Variants in PRRC2B observed in about 807,000 individuals in gnomAD.
PRRC2B encodes the protein protein PRRC2B.
PRRC2B carries 68 observed loss-of-function variants against 242.3 expected under a neutral mutation model. The observed-to-expected ratio is 0.28, with a 90% CI of 0.23 to 0.34. PRRC2B has a LOEUF of 0.34. Among genes scored for constraint, PRRC2B ranks in the 10% least tolerant of loss-of-function variants. PRRC2B has a pLI of 1.00. For missense variants in PRRC2B, 2,835 were observed against 2,954.8 expected, an observed-to-expected ratio of 0.96 and a Z score of 0.94; for synonymous variants, 1,228 against 1,173.6, an observed-to-expected ratio of 1.05 and a Z score of -0.95.
In PRRC2B at chr9:131,482,981, G is replaced by C. The variant is rs1490888336; in HGVS notation, c.5373+74G>C. The C allele has an allele frequency of 1.3e-6, 2 of 1,504,130 alleles. No individual in the cohort carries two copies. Among genetic ancestry groups the C allele is most frequent in the African/African-American group, 2.8e-5 (2 of 72,158 alleles). 93.2% of individuals were successfully genotyped at this position (1,504,130 alleles called of 1,614,324 possible). A position where few individuals can be genotyped will look rare whatever the true frequency, so the allele number is the denominator to read the frequency against. ...GGTACTTGGAGAGGCTGGGGGCTCAGATGGGATTGTCTCCTAGAAGGAATA... is the reference window on the plus strand; with the variant it reads ...GGTACTTGGAGAGGCTGGGGGCTCACATGGGATTGTCTCCTAGAAGGAATA... On this transcript the variant is annotated intron_variant, in intron 22 of 31. Coordinates refer to ENST00000683519, the MANE Select transcript of PRRC2B (RefSeq NM_013318.4). This position sits in a 1 kb window ranked among gnomAD's most constrained non-coding sequence, Gnocchi z 5.2.
At chr9:131,459,665 G>A (rs1943185351) in intron 11 of PRRC2B, among the ~76,000 whole-genome samples, 1 of 151,526 alleles carries the variant, frequency 6.6e-6, no homozygotes. Flanking sequence ...TCAGCCTCCT[G>A]AGTAGCTGGG....
chr9:131,488,070 C>CAG lies in PRRC2B; in HGVS notation c.6201_6202dup (p.Met2068ArgfsTer10). ...CCAGGCTGCTGGCCTGGGTGCCTCC[C>CAG]AGATGTTGGACTCCCAGCTCCCACA... On this transcript the variant is annotated frameshift_variant, in exon 28 of 32. Coordinates refer to ENST00000683519, the MANE Select transcript of PRRC2B (RefSeq NM_013318.4). LOFTEE classifies it high-confidence loss of function. 1 of 1,613,252 alleles carries CAG rather than the reference C, an allele frequency of 6.2e-7. No individual in the cohort carries two copies. The highest frequency in any genetic ancestry group is 8.5e-7 in the Non-Finnish European group (1 of 1,179,422).
rs558733517 is a variant in PRRC2B at position 131,487,772 on chromosome 9, C to G, written c.5985-84C>G. The G allele has an allele frequency of 2.0e-6, 3 of 1,521,628 alleles. No individual in the cohort carries two copies. Among genetic ancestry groups the G allele is most frequent in the Middle Eastern group, 1.9e-4 (1 of 5,376 alleles). 94.3% of individuals were successfully genotyped at this position (1,521,628 alleles called of 1,614,324 possible). ...GGCCGGGGATCTGTGGTTTAGCAAG[C>G]TCTCCGGGGATCTCTGAAGGGTGGG... On this transcript the variant is annotated intron_variant, in intron 27 of 31. Transcript: ENST00000683519. This position sits in a 1 kb window ranked among gnomAD's most constrained non-coding sequence, Gnocchi z 5.3.
In PRRC2B at chr9:131,499,455, ATG is replaced by A. The variant is rs1944411361; in HGVS notation, c.*3586_*3587del. ...GCCTTTGAAGACCAAGGATACCAGGATGTGTGCACTCTGTCGTGTTCTGTGAT... is the reference window on the plus strand; with the variant it reads ...GCCTTTGAAGACCAAGGATACCAGGATGTGCACTCTGTCGTGTTCTGTGAT... On this transcript the variant is annotated 3_prime_UTR_variant, in exon 32 of 32. Transcript: ENST00000683519. The A allele has an allele frequency of 6.6e-6, 1 of 152,214 alleles. No individual in the cohort carries two copies. Among genetic ancestry groups the A allele is most frequent in the East Asian group, 1.9e-4 (1 of 5,200 alleles). 9.4% of individuals were successfully genotyped at this position (152,214 alleles called of 1,614,324 possible). A position where few individuals can be genotyped will look rare whatever the true frequency, so the allele number is the denominator to read the frequency against.
chr9:131,449,903 G>T (rs1040463806), intron 9 of PRRC2B, among the ~76,000 whole-genome samples: 4 of 152,088 alleles, frequency 2.6e-5, no homozygotes. Flanking sequence ...TTTGTATATG[G>T]CATAAGATAG....
At chr9:131,439,787 G>A (rs1310817840) in intron 5 of PRRC2B, among the ~76,000 whole-genome samples, 1 of 152,214 alleles carries the variant, frequency 6.6e-6, no homozygotes, top group Non-Finnish European at 1.5e-5. Context: ...CAGCAGGAGT[G>A]CAGTGGCACA....
intron 25 of PRRC2B, 31 bp downstream of exon 25, chr9:131,485,171 T>A: frequency 6.7e-6 from 10 of 1,489,522 alleles, no homozygotes; most frequent in Non-Finnish European, 7.3e-6. Context: ...GGCCTTGGGG[T>A]CCTTCTCCAT....
intron 14 of PRRC2B, among the ~76,000 whole-genome samples, chr9:131,471,636 T>C (rs1464258438): frequency 6.6e-6 from 1 of 152,212 alleles, no homozygotes; most frequent in African/African-American, 2.4e-5. Context: ...ACAATAGTAA[T>C]TGAGTGAACA....
At chr9:131,483,956 G>A (rs924060776) in intron 23 of PRRC2B, among the ~76,000 whole-genome samples, 3 of 152,234 alleles carry the variant, frequency 2.0e-5, no homozygotes, top group Non-Finnish European at 4.4e-5. Flanking sequence ...CACCTGCAGG[G>A]GTGGGTGCTA....
intron 1 of PRRC2B, among the ~76,000 whole-genome samples, chr9:131,379,099 T>G (rs1299108370): frequency 6.6e-6 from 1 of 152,198 alleles, no homozygotes; most frequent in African/African-American, 2.4e-5. Flanking sequence ...TGGCCTTTTG[T>G]GTTCAGCTTC....
chr9:131,380,722 CA>C (rs1271656264), intron 1 of PRRC2B, among the ~76,000 whole-genome samples: 1 of 151,278 alleles, frequency 6.6e-6, no homozygotes, highest in Non-Finnish European at 1.5e-5. Context: ...ACTAAAAATA[CA>C]AAAAATTAGC....
intron 1 of PRRC2B, among the ~76,000 whole-genome samples, chr9:131,383,941 G>A (rs759129032): frequency 6.6e-6 from 1 of 151,040 alleles, no homozygotes; most frequent in African/African-American, 2.4e-5. Flanking sequence ...TATTTTTTGC[G>A]ACAGGCTTGC....
intron 1 of PRRC2B, among the ~76,000 whole-genome samples, chr9:131,420,507 T>TCGTTC (rs1564278700): frequency 7.9e-6 from 1 of 126,470 alleles, no homozygotes; most frequent in African/African-American, 3.1e-5. Context: ...TTTTTTTTTT[T>TCGTTC]TTTGAGATGG....
rs551813472 is a variant in PRRC2B at position 131,446,034 on chromosome 9, C to T, written c.614-367C>T. 6.6e-6 allele frequency among the ~76,000 whole-genome samples: 1 copy of T among 152,180 alleles called. No individual in the cohort carries two copies. Among genetic ancestry groups the T allele is most frequent in the African/African-American group, 2.4e-5 (1 of 41,456 alleles). On this transcript the variant is annotated intron_variant, in intron 6 of 31. Coordinates refer to ENST00000683519, the MANE Select transcript of PRRC2B (RefSeq NM_013318.4). The surrounding 1 kb of genome is among the most constrained non-coding windows in gnomAD (Gnocchi z 4.1). Reference sequence around the variant, plus strand: ...TTTAATGTGTAGTCCAGTGCTGACCCTAAGTGGGCTGGTCAGTGTTTGTTG... The same window carrying T: ...TTTAATGTGTAGTCCAGTGCTGACCTTAAGTGGGCTGGTCAGTGTTTGTTG...
rs549340352 is a variant in PRRC2B, at chr9:131,388,244, T to A, written c.-56+14513T>A. On this transcript the variant is annotated intron_variant, in intron 1 of 1. Coordinates refer to the PRRC2B transcript ENST00000682525. ...TTCATCAACTTTTACTTTTACTTTT[T>A]TTTTTTTTTTTTTTAGATGGAGATT... 2.5e-4 allele frequency among the ~76,000 whole-genome samples: 36 copies of A among 145,800 alleles called. 1 individual carries two copies. Among genetic ancestry groups the A allele is most frequent in the African/African-American group, 8.4e-4 (34 of 40,670 alleles).
chr9:131,431,747 C>G lies in PRRC2B; in HGVS notation c.116-870C>G, dbSNP rs544540306. Among the ~76,000 whole-genome samples, 61 of 148,582 alleles carry G rather than the reference C, an allele frequency of 4.1e-4. 1 individual carries two copies. The South Asian group carries it at 0.012, about 29-fold the overall frequency. ...GACTACAGGCGCCCGCCATCACTCC[C>G]GGCTAATTTTTTGTATTTTTAGTAG... is the stretch of plus-strand genomic sequence containing the variant. On this transcript the variant is annotated intron_variant, in intron 2 of 31. Coordinates refer to ENST00000683519, the MANE Select transcript of PRRC2B (RefSeq NM_013318.4).
rs1390249150 is a variant in PRRC2B, at chr9:131,498,474, C to T, written c.*2600C>T. On this transcript the variant is annotated 3_prime_UTR_variant, in exon 32 of 32. Transcript: ENST00000683519. The stretch of plus-strand genomic sequence containing the variant: ...GGCAGGCCTCAGGCCTCCCAGCGCC[C>T]CAACCCCTCCTTGGTCTAATGAAAT... 2 of 152,228 alleles carry T rather than the reference C, an allele frequency of 1.3e-5. No individual in the cohort carries two copies. The highest frequency in any genetic ancestry group is 2.9e-5 in the Non-Finnish European group (2 of 68,050). 9.4% of individuals were successfully genotyped at this position (152,228 alleles called of 1,614,324 possible). A position where few individuals can be genotyped will look rare whatever the true frequency, so the allele number is the denominator to read the frequency against.
chr9:131,403,246 G>A (rs1837271931), intron 1 of PRRC2B, among the ~76,000 whole-genome samples: 1 of 152,206 alleles, frequency 6.6e-6, no homozygotes, highest in Non-Finnish European at 1.5e-5. Context: ...AAGTCCTTGG[G>A]AAGAGGATAG....
chr9:131,491,307 T>G (rs1944186925), intron 28 of PRRC2B, 118 bp from the exon 29 acceptor site: 1 of 1,038,958 alleles, frequency 9.6e-7, no homozygotes, highest in African/African-American at 1.7e-5. Context: ...TTATGCAGGC[T>G]TTGCTTTAGT....
Sources: gnomAD v4.1 joint callset for allele counts (sites outside exome capture counted in the v4.1 genomes callset) on GRCh38, gnomAD v4.1.1 for gene constraint, Gnocchi (gnomAD v3.1) non-coding constraint, MANE v1.5 for transcripts, NCBI Gene and HGNC (gene_info 2026-07-23, HGNC 2026-07-21) for gene names.